The following TEKT1 variants were observed in gnomAD, a reference collection of about 807,000 sequenced individuals.
TEKT1 encodes the protein tektin 1.
Under a neutral mutation model 34.8 loss-of-function variants are expected in TEKT1, and 32 were observed. The observed-to-expected ratio is 0.92, with a 90% CI of 0.69 to 1.23. TEKT1 has a LOEUF of 1.23. Among genes scored for constraint, TEKT1 ranks in the 50% most tolerant of loss-of-function variants. The probability of loss-of-function intolerance (pLI) is 0.00; values close to 1 mark genes in which losing one functional copy is unlikely to be tolerated. For missense variants in TEKT1, 492 were observed against 518.5 expected (o/e 0.95, Z 0.50); for synonymous variants, 207 against 199.8 (o/e 1.04, Z -0.30).
At chr17:6,831,026 AAGGAGGAGGAGG>A (rs57509315) in intron 1 of TEKT1, among the ~76,000 whole-genome samples, 1 of 149,878 alleles carries the variant, frequency 6.7e-6, no homozygotes, top group African/African-American at 2.5e-5. Context: ...GAGGAAGAAG[AAGGAGGAGGAGG>A]AGGAGGAGGA....
chr17:6,827,071 G>A (rs996528176), intron 2 of TEKT1, among the ~76,000 whole-genome samples: 1 of 152,108 alleles, frequency 6.6e-6, no homozygotes, highest in African/African-American at 2.4e-5. Context: ...ACACTGTAGT[G>A]TTGCTTTGTC....
Position 6,830,337 on chromosome 17 carries a change from A to G in TEKT1, c.40T>C (p.Ser14Pro), listed in dbSNP as rs780633493. The G allele has an allele frequency of 4.4e-6, 7 of 1,603,172 alleles. No homozygotes were observed. The South Asian group carries it at 8.0e-5, about 18-fold the overall frequency. The change falls in exon 2 of 8, where the codon TCA (serine) becomes CCA (proline). Residue 14 changes from serine (S) to proline (P), a missense_variant. Physicochemically the swap from Ser to Pro is moderately conservative, Grantham distance 74 (BLOSUM62 -1). Coordinates refer to ENST00000338694, the MANE Select transcript of TEKT1 (RefSeq NM_053285.2). Reference sequence around the variant, plus strand: ...TTCTTGTTAGCAATGTGCCACTCTGAGGGCAGGAACTTGGGTGGAGGTTGT... The same window carrying G: ...TTCTTGTTAGCAATGTGCCACTCTGGGGGCAGGAACTTGGGTGGAGGTTGT... ...LLQPPPKFLP[S>P]EWHIANKNQY...
In TEKT1 at chr17:6,799,849, C is replaced by G; in HGVS notation, c.*178G>C. 1 of 562,262 alleles carries G rather than the reference C, an allele frequency of 1.8e-6. No homozygotes were observed. The highest frequency in any genetic ancestry group is 3.0e-6 in the Non-Finnish European group (1 of 328,722). 34.8% of individuals were successfully genotyped at this position (562,262 alleles called of 1,614,324 possible). ...TGGAGTTGAATTGTTAGGCAAACAC[C>G]ACACCAGCATAAGAGAAGAAACTCG... On this transcript the variant is annotated 3_prime_UTR_variant, in exon 8 of 8. Coordinates refer to ENST00000338694, the MANE Select transcript of TEKT1 (RefSeq NM_053285.2).
At chr17:6,814,903 A>C (rs1340971120) in intron 5 of TEKT1, 1 of 384,052 alleles carries the variant, frequency 2.6e-6, no homozygotes, top group Non-Finnish European at 4.6e-6. Context: ...TACTTGTTAA[A>C]AACATGTATA....
At position 6,827,330 on chromosome 17, in the gene TEKT1, C is replaced by T. The variant is rs576770761; in HGVS notation, c.190+2857G>A. Among the ~76,000 whole-genome samples, 240 of 147,656 alleles carry T rather than the reference C, an allele frequency of 1.6e-3. 1 individual carries two copies. Among genetic ancestry groups the T allele is most frequent in the African/African-American group, 5.7e-3 (225 of 39,738 alleles). ...GGGCTGGAGTGCAGTGGCGTGATCTCGGCTCACTGCAACCTCCGCCTCCCG... is the reference window on the plus strand; with the variant it reads ...GGGCTGGAGTGCAGTGGCGTGATCTTGGCTCACTGCAACCTCCGCCTCCCG... On this transcript the variant is annotated intron_variant, in intron 2 of 7. Coordinates refer to ENST00000338694, the MANE Select transcript of TEKT1 (RefSeq NM_053285.2).
intron 6 of TEKT1, among the ~76,000 whole-genome samples, chr17:6,803,395 TC>T (rs1409804302): frequency 6.6e-6 from 1 of 152,166 alleles, no homozygotes; most frequent in East Asian, 1.9e-4. Flanking sequence ...AAAATTTTCT[TC>T]CATTCTGCAG....
At chr17:6,809,236 G>A (rs999278832) in intron 6 of TEKT1, among the ~76,000 whole-genome samples, 9 of 152,076 alleles carry the variant, frequency 5.9e-5, no homozygotes, top group African/African-American at 1.9e-4. Flanking sequence ...TTGTTTGTTT[G>A]TTTGCTTTTG....
intron 2 of TEKT1, among the ~76,000 whole-genome samples, chr17:6,822,010 A>C (rs531638222): frequency 6.6e-6 from 1 of 152,312 alleles, no homozygotes; most frequent in Non-Finnish European, 1.5e-5. Flanking sequence ...CCGAATGCTA[A>C]TTGCCAAGAC....
Position 6,815,873 on chromosome 17 carries a change from A to G in TEKT1, c.446T>C (p.Leu149Pro), listed in dbSNP as rs1051182844. The G allele has an allele frequency of 6.2e-7, 1 of 1,614,100 alleles. No homozygotes were observed. Among genetic ancestry groups the G allele is most frequent in the Non-Finnish European group, 8.5e-7 (1 of 1,180,048 alleles). ...EAEIIQGIMA[L>P]LTRTLEEASE... ...AGCCTCCTCCAAGGTACGGGTCAGC[A>G]GAGCCATAATGCCCTGGATGATCTC... The change falls in exon 4 of 8, where the codon CTG becomes CCG. Residue 149 changes from leucine (L) to proline (P), a missense_variant. Transcript: ENST00000338694.
chr17:6,825,229 T>C (rs1172547093), intron 2 of TEKT1, among the ~76,000 whole-genome samples: 1 of 152,104 alleles, frequency 6.6e-6, no homozygotes, highest in Non-Finnish European at 1.5e-5. Flanking sequence ...TGTAGAGAGA[T>C]CAAGTTGGAT....
chr17:6,808,047 C>A (rs1976870255), intron 6 of TEKT1, among the ~76,000 whole-genome samples: 1 of 152,226 alleles, frequency 6.6e-6, no homozygotes, highest in South Asian at 2.1e-4. Context: ...TTTTGTTTGG[C>A]AGTACCCTCC....
chr17:6,817,739 A>G (rs1391713156), intron 3 of TEKT1, among the ~76,000 whole-genome samples: 3 of 152,098 alleles, frequency 2.0e-5, no homozygotes, highest in Non-Finnish European at 2.9e-5. Flanking sequence ...TATATAACCT[A>G]CCTGTGCCTT....
Position 6,819,336 on chromosome 17 carries a change from C to A in TEKT1, c.213G>T (p.Gln71His). ...KKLEQRLEEV[Q>H]FWKKELDDKL... Reference sequence around the variant, plus strand: ...TGTCATCTAACTCCTTCTTCCAGAACTGGACTTCCTCGAGTCTCTGTTCTG... The same window carrying A: ...TGTCATCTAACTCCTTCTTCCAGAAATGGACTTCCTCGAGTCTCTGTTCTG... Residue 71 changes from glutamine (Q) to histidine (H), a missense_variant, in exon 3 of 8, where the codon CAG becomes CAT. Physicochemically the swap from Gln to His is conservative, Grantham distance 24 (BLOSUM62 0). Transcript: ENST00000338694. 6.2e-7 allele frequency: 1 copy of A among 1,613,770 alleles called. No individual in the cohort carries two copies. Among genetic ancestry groups the A allele is most frequent in the Non-Finnish European group, 8.5e-7 (1 of 1,179,824 alleles).
intron 2 of TEKT1, among the ~76,000 whole-genome samples, chr17:6,825,803 G>A (rs1904381542): frequency 6.6e-6 from 1 of 152,168 alleles, no homozygotes; most frequent in Admixed American, 6.5e-5. Flanking sequence ...TATAGCTGTA[G>A]GCCACTCATT....
chr17:6,812,484 A>C (rs1976941679), intron 6 of TEKT1, among the ~76,000 whole-genome samples: 1 of 152,144 alleles, frequency 6.6e-6, no homozygotes, highest in African/African-American at 2.4e-5. Context: ...CCATTTCCGT[A>C]CTTCACATAC....
intron 2 of TEKT1, among the ~76,000 whole-genome samples, chr17:6,821,812 T>C (rs9891755): frequency 0.062 from 9,381 of 152,264 alleles, 825 homozygotes; most frequent in African/African-American, 0.19. Flanking sequence ...TGAAGCAAAG[T>C]TCACTCTTCT....
chr17:6,801,067 A>G (rs1163562618), intron 6 of TEKT1, 124 bp from the exon 7 acceptor site: 3 of 926,120 alleles, frequency 3.2e-6, no homozygotes, highest in East Asian at 2.6e-5. Flanking sequence ...CTTAAGCAGC[A>G]TGCCAGAGTC....
intron 2 of TEKT1, among the ~76,000 whole-genome samples, chr17:6,828,264 T>C (rs986253162): frequency 2.0e-4 from 31 of 152,114 alleles, no homozygotes; most frequent in African/African-American, 7.2e-4. Context: ...TTTTAACACC[T>C]ACCTATTTGC....
chr17:6,802,360 C>T (rs1243095677), intron 6 of TEKT1, among the ~76,000 whole-genome samples: 2 of 152,016 alleles, frequency 1.3e-5, no homozygotes, highest in East Asian at 1.9e-4. Flanking sequence ...ACTTAAAGTC[C>T]TTTGAATATT....
Sources: allele counts gnomAD v4.1 joint callset (sites outside exome capture counted in the v4.1 genomes callset), GRCh38; gene constraint gnomAD v4.1.1; transcripts MANE v1.5; gene names NCBI Gene and HGNC (gene_info 2026-07-23, HGNC 2026-07-21).